The following ANKS6 variants were observed in gnomAD, a reference collection of about 807,000 sequenced individuals.
The protein encoded by ANKS6 is ankyrin repeat and SAM domain-containing protein 6.
Under a neutral mutation model 77.9 loss-of-function variants are expected in ANKS6, and 47 were observed. The observed-to-expected ratio is 0.60, with a 90% CI of 0.48 to 0.77. The LOEUF is 0.77. Ranked by LOEUF, ANKS6 falls within the 30% of genes least tolerant of loss-of-function variation. The pLI is 0.00. For missense variants in ANKS6, 1,150 were observed against 1,159.1 expected (o/e 0.99, Z 0.11); for synonymous variants, 488 against 501.7 (o/e 0.97, Z 0.37).
rs568952968 is a variant in ANKS6, at chr9:98,790,186, G to A, written c.780C>T (p.Thr260=). 27 of 1,602,428 alleles carry A rather than the reference G, an allele frequency of 1.7e-5. No individual in the cohort carries two copies. The Admixed American group carries it at 1.8e-4, about 11-fold the overall frequency. ...NPDHLSVLEK[T]AFEVALDCKH... ...TGCAGTCCAGTGCAACCTCGAAGGC[G>A]GTCTTCTCCAGCACGCTGAGGTGGT... Residue 260 remains threonine, a synonymous_variant, in exon 2 of 15, where the codon ACC becomes ACT. Transcript: ENST00000353234.
chr9:98,782,358 C>A (rs772373874), intron 5 of ANKS6, 109 bp downstream of exon 5: 72 of 986,796 alleles, frequency 7.3e-5, no homozygotes, highest in Non-Finnish European at 1.0e-4. Context: ...GACTTTCCCC[C>A]ACGAATAAGC....
At chr9:98,768,012 C>G in intron 11 of ANKS6, 69 bp downstream of exon 11, 4 of 1,522,992 alleles carry the variant, frequency 2.6e-6, no homozygotes, top group Non-Finnish European at 2.6e-6. Flanking sequence ...GCCCATGCTT[C>G]CCGGCAAGTG....
At chr9:98,771,808 G>A (rs1833649337) in intron 9 of ANKS6, among the ~76,000 whole-genome samples, 1 of 152,124 alleles carries the variant, frequency 6.6e-6, no homozygotes, top group African/African-American at 2.4e-5. Flanking sequence ...CTGGTCTAGG[G>A]TGGGCTCCCG....
In ANKS6 at chr9:98,778,267, C is replaced by A. The variant is rs370716703; in HGVS notation, c.1526G>T (p.Arg509Leu). The A allele has an allele frequency of 1.9e-6, 3 of 1,614,188 alleles. No individual in the cohort carries two copies. The South Asian group carries it at 3.3e-5, about 18-fold the overall frequency. ...MRAAPQDKTS[R>L]SALPDAAPVT... ...AGGGGCCGCATCAGGGAGTGCAGAG[C>A]GGCTTGTCTTGTCCTGGGGGGCAGC... The change falls in exon 7 of 15, where the codon CGC becomes CTC. Residue 509 changes from arginine (R) to leucine (L), a missense_variant. Transcript: ENST00000353234.
intron 12 of ANKS6, among the ~76,000 whole-genome samples, chr9:98,753,648 A>G (rs933347900): frequency 1.3e-5 from 2 of 150,556 alleles, no homozygotes; most frequent in African/African-American, 2.4e-5. Context: ...GCCCTGATTG[A>G]TGGTGTTTGC....
intron 11 of ANKS6, among the ~76,000 whole-genome samples, chr9:98,766,663 T>C (rs1412945131): frequency 6.6e-6 from 1 of 152,064 alleles, no homozygotes; most frequent in Non-Finnish European, 1.5e-5. Context: ...AAAATCTTTT[T>C]GGAGCTATAC....
chr9:98,733,267 TGAA>T lies in ANKS6; in HGVS notation c.*3249_*3251del. The stretch of plus-strand genomic sequence containing the variant: ...TGGCCTCCATGTAATTTTGTGGCGC[TGAA>T]GAAGAGAGGCAGGAGCCCTCCGTGG... On this transcript the variant is annotated 3_prime_UTR_variant, in exon 15 of 15. Transcript: ENST00000353234. 3.0e-6 allele frequency: 3 copies of T among 985,512 alleles called. No homozygotes were observed. The highest frequency in any genetic ancestry group is 2.4e-6 in the Non-Finnish European group (2 of 830,012). The allele number at this position is 985,512 out of a possible 1,614,324, so 61.0% of individuals were successfully genotyped here.
At chr9:98,772,824 G>A (rs2118046136) in intron 9 of ANKS6, among the ~76,000 whole-genome samples, 1 of 152,290 alleles carries the variant, frequency 6.6e-6, no homozygotes, top group East Asian at 1.9e-4. Flanking sequence ...CCTCCCGAGT[G>A]CCCTACCACA....
intron 14 of ANKS6, among the ~76,000 whole-genome samples, chr9:98,744,094 G>A (rs1210959983): frequency 6.6e-6 from 1 of 152,140 alleles, no homozygotes; most frequent in East Asian, 1.9e-4. Flanking sequence ...TTCCCTATAT[G>A]TAAAGTGAGG....
At position 98,790,369 on chromosome 9, in the gene ANKS6, G is replaced by C. The variant is rs1485523704; in HGVS notation, c.597C>G (p.Ile199Met). The change falls in exon 2 of 15, where the codon ATC (isoleucine) becomes ATG (methionine). Residue 199 changes from isoleucine (I) to methionine (M), a missense_variant. Coordinates refer to ENST00000353234, the MANE Select transcript of ANKS6 (RefSeq NM_173551.5). Reference sequence around the variant, plus strand: ...GCACCACGGCCTCGTGCCCGTGCTGGATGGCAGCCATCAGGGCTGTGATGT... The same window carrying C: ...GCACCACGGCCTCGTGCCCGTGCTGCATGGCAGCCATCAGGGCTGTGATGT... ...PLDITALMAAIQHGHEAVVRL... is the reference protein window; with the variant it reads ...PLDITALMAAMQHGHEAVVRL... 6.2e-7 allele frequency: 1 copy of C among 1,613,582 alleles called. No individual in the cohort carries two copies. Among genetic ancestry groups the C allele is most frequent in the Admixed American group, 1.7e-5 (1 of 60,026 alleles).
chr9:98,778,512 C>A, intron 6 of ANKS6, 88 bp from the exon 7 acceptor site: 1 of 1,276,852 alleles, frequency 7.8e-7, no homozygotes, highest in South Asian at 1.4e-5. Flanking sequence ...ACAGTGACTA[C>A]ATTCACATGT....
chr9:98,752,091 CACAA>C (rs5899357), intron 12 of ANKS6, among the ~76,000 whole-genome samples: 101,197 of 151,050 alleles, frequency 0.67, 34,388 homozygotes, highest in Non-Finnish European at 0.73. Flanking sequence ...AAGACCCTGT[CACAA>C]ACAAACAAAC....
chr9:98,779,909 G>T (rs1412358868), intron 6 of ANKS6, among the ~76,000 whole-genome samples: 1 of 152,078 alleles, frequency 6.6e-6, no homozygotes, highest in Admixed American at 6.5e-5. Flanking sequence ...TGATCCGCCC[G>T]TCTTGGCCTC....
intron 9 of ANKS6, among the ~76,000 whole-genome samples, chr9:98,771,704 C>A (rs7041477): frequency 3.5e-4 from 54 of 152,132 alleles, no homozygotes; most frequent in South Asian, 6.2e-4. Context: ...CGGCTCCCCC[C>A]CATCCTTACC....
At chr9:98,737,467 A>T (rs1831562503) in intron 14 of ANKS6, among the ~76,000 whole-genome samples, 1 of 151,918 alleles carries the variant, frequency 6.6e-6, no homozygotes, top group Non-Finnish European at 1.5e-5. Flanking sequence ...GAACTCAACC[A>T]CTTCTATAAT....
At chr9:98,759,892 G>A (rs900768087) in intron 11 of ANKS6, among the ~76,000 whole-genome samples, 24 of 152,280 alleles carry the variant, frequency 1.6e-4, no homozygotes, top group African/African-American at 5.3e-4. Context: ...AGCTAGATAG[G>A]AGGAATAAGT....
intron 14 of ANKS6, among the ~76,000 whole-genome samples, chr9:98,739,464 C>T (rs1320966888): frequency 6.6e-6 from 1 of 152,004 alleles, no homozygotes; most frequent in Non-Finnish European, 1.5e-5. Context: ...GCCCATTTCT[C>T]CTATTTGCTA....
chr9:98,745,575 T>C lies in ANKS6; in HGVS notation c.2495A>G (p.Glu832Gly), dbSNP rs1832081989. 6.2e-7 allele frequency: 1 copy of C among 1,613,816 alleles called. No individual in the cohort carries two copies. The highest frequency in any genetic ancestry group is 8.5e-7 in the Non-Finnish European group (1 of 1,179,696). Reference protein sequence around the residue: ...SRQQILAAISELNAGKGRERQ... With the variant: ...SRQQILAAISGLNAGKGRERQ... ...GAACGGTACCTTGCCTGCGTTCAGT[T>C]CAGAAATCGCTGCCAGAATCTGCTG... The change falls in exon 14 of 15, where the codon GAA (glutamate) becomes GGA (glycine). Residue 832 changes from glutamate to glycine, a missense_variant. Transcript: ENST00000353234.
chr9:98,780,979 G>A (rs1205209810), intron 5 of ANKS6, among the ~76,000 whole-genome samples: 3 of 149,618 alleles, frequency 2.0e-5, no homozygotes, highest in Non-Finnish European at 4.4e-5. Context: ...TTGGCTCACC[G>A]CAACCTCCAC....
Sources: gnomAD v4.1 joint callset for allele counts (sites outside exome capture counted in the v4.1 genomes callset) on GRCh38, gnomAD v4.1.1 for gene constraint, MANE v1.5 for transcripts, NCBI Gene and HGNC (gene_info 2026-07-23, HGNC 2026-07-21) for gene names.